Variants in MOB1B observed in about 807,000 individuals in gnomAD.
The protein encoded by MOB1B is MOB1 Mps One Binder homolog B.
In MOB1B, 19 loss-of-function variants were observed where a neutral mutation model predicts 24.4. The observed-to-expected ratio is 0.78, with a 90% CI of 0.54 to 1.14. MOB1B has a LOEUF of 1.14. Among genes scored for constraint, MOB1B ranks in the 50% most tolerant of loss-of-function variants. MOB1B has a pLI of 0.00. For synonymous variants in MOB1B, 76 were observed against 82.1 expected (o/e 0.93, Z 0.40); for missense variants, 243 against 259.6 (o/e 0.94, Z 0.44).
chr4:70,909,202 TATGTGTC>T (rs1735881532), intron 1 of MOB1B, among the ~76,000 whole-genome samples: 1 of 152,154 alleles, frequency 6.6e-6, no homozygotes, highest in South Asian at 2.1e-4. Context: ...GCTATGTTTA[TATGTGTC>T]TATCTCTGTC....
chr4:70,970,923 T>C (rs546192064), intron 3 of MOB1B, among the ~76,000 whole-genome samples: 94 of 152,356 alleles, frequency 6.2e-4, no homozygotes, highest in Non-Finnish European at 1.1e-3. Context: ...GAACCTTCAC[T>C]TCTTTCTAGC....
chr4:70,958,737 A>G (rs774196261), intron 1 of MOB1B, 137 bp from the exon 2 acceptor site: 17 of 919,178 alleles, frequency 1.8e-5, no homozygotes, highest in Non-Finnish European at 2.7e-5. Flanking sequence ...GGAGTTTTGG[A>G]TGGAGAGCAC....
At chr4:70,912,493 T>A (rs1042102211) in intron 1 of MOB1B, among the ~76,000 whole-genome samples, 2 of 152,030 alleles carry the variant, frequency 1.3e-5, no homozygotes, top group African/African-American at 4.8e-5. Flanking sequence ...TTGACCAGGC[T>A]GGTCTCAACT....
At chr4:70,980,771 G>A (rs1739179735) in intron 5 of MOB1B, among the ~76,000 whole-genome samples, 1 of 152,080 alleles carries the variant, frequency 6.6e-6, no homozygotes, top group Admixed American at 6.6e-5. Context: ...CTTTTTCTGG[G>A]CTCCATTCTT....
chr4:70,918,893 A>G (rs1456752442), intron 1 of MOB1B, among the ~76,000 whole-genome samples: 8 of 152,180 alleles, frequency 5.3e-5, no homozygotes, highest in Non-Finnish European at 1.0e-4. Flanking sequence ...TCACAATAGC[A>G]AAGACTTGGA....
intron 1 of MOB1B, among the ~76,000 whole-genome samples, chr4:70,936,252 C>T (rs888833637): frequency 6.6e-6 from 1 of 152,140 alleles, no homozygotes; most frequent in African/African-American, 2.4e-5. Context: ...CCTCAGCCTC[C>T]CAAAGTGCTG....
At chr4:70,939,890 G>A (rs1307250817) in intron 1 of MOB1B, among the ~76,000 whole-genome samples, 4 of 152,342 alleles carry the variant, frequency 2.6e-5, no homozygotes, top group South Asian at 2.1e-4. Flanking sequence ...GTTTTATTGA[G>A]CGGAAGTAGC....
At position 70,953,669 on chromosome 4, in the gene MOB1B, A is replaced by G. The variant is rs939587842; in HGVS notation, c.15-5205A>G. Among the ~76,000 whole-genome samples, 6 of 152,346 alleles carry G rather than the reference A, an allele frequency of 3.9e-5. 1 individual carries two copies. The highest frequency in any genetic ancestry group is 1.4e-4 in the African/African-American group (6 of 41,584). ...ATAAGAAGAAAATTGCAGGCTGGGC[A>G]TGATGGCTCATGCCTGTCATTCCCA... On this transcript the variant is annotated intron_variant, in intron 1 of 5. Transcript: ENST00000309395.
intron 5 of MOB1B, among the ~76,000 whole-genome samples, chr4:70,980,755 A>G (rs1289958099): frequency 1.3e-5 from 2 of 152,100 alleles, no homozygotes; most frequent in African/African-American, 2.4e-5. Context: ...CAGGGTCTCC[A>G]TGCATCTTTT....
chr4:70,953,926 A>G (rs573756959), intron 1 of MOB1B, among the ~76,000 whole-genome samples: 1 of 152,308 alleles, frequency 6.6e-6, no homozygotes, highest in South Asian at 2.1e-4. Flanking sequence ...CCTGGGTGAC[A>G]GAGCAAGACT....
chr4:70,987,374 T>C lies in MOB1B; in HGVS notation c.*5317T>C, dbSNP rs1010484587. 6.6e-6 allele frequency: 1 copy of C among 152,092 alleles called. No homozygotes were observed. The highest frequency in any genetic ancestry group is 2.4e-5 in the African/African-American group (1 of 41,456). The allele number at this position is 152,092 out of a possible 1,614,324, so 9.4% of individuals were successfully genotyped here. On this transcript the variant is annotated 3_prime_UTR_variant, in exon 6 of 6. Coordinates refer to ENST00000309395, the MANE Select transcript of MOB1B (RefSeq NM_173468.4). ...GTATAGGTGGGCGTTTCTTACCATT[T>C]TGCACAAGTTTTTGTTTTTCTGAAA...
chr4:70,926,007 T>C (rs925537489), intron 1 of MOB1B, among the ~76,000 whole-genome samples: 1 of 152,102 alleles, frequency 6.6e-6, no homozygotes, highest in Non-Finnish European at 1.5e-5. Context: ...TTTGTGTGAG[T>C]GACAGGATCT....
chr4:70,970,607 A>G lies in MOB1B; in HGVS notation c.275+583A>G, dbSNP rs1483470064. On this transcript the variant is annotated intron_variant, in intron 3 of 5. Transcript: ENST00000309395. Reference sequence around the variant, plus strand: ...TGGGTTGAATCAGTACATTTTGGAAACTGGCTTTTATTATTACTTCTACTA... The same window carrying G: ...TGGGTTGAATCAGTACATTTTGGAAGCTGGCTTTTATTATTACTTCTACTA... 2.0e-5 allele frequency among the ~76,000 whole-genome samples: 3 copies of G among 152,290 alleles called. No homozygotes were observed. The South Asian group carries it at 6.2e-4, about 32-fold the overall frequency.
At chr4:70,913,259 G>GGTATGTATGTATGTAT (rs58774039) in intron 1 of MOB1B, among the ~76,000 whole-genome samples, 1 of 149,918 alleles carries the variant, frequency 6.7e-6, no homozygotes, top group African/African-American at 2.5e-5. Context: ...CGTTTGTATG[G>GGTATGTATGTATGTAT]GTATGTATGT....
intron 1 of MOB1B, among the ~76,000 whole-genome samples, chr4:70,902,814 C>T (rs1238057494): frequency 2.0e-5 from 3 of 152,226 alleles, no homozygotes; most frequent in Non-Finnish European, 2.9e-5. Context: ...GGGCCAGCGC[C>T]TGGATTCCTT....
At chr4:70,947,446 T>C (rs1231455909) in intron 1 of MOB1B, among the ~76,000 whole-genome samples, 1 of 151,666 alleles carries the variant, frequency 6.6e-6, no homozygotes, top group South Asian at 2.1e-4. Context: ...CTAGGTTTTT[T>C]TCCCCCCCGC....
chr4:70,949,455 C>G (rs971520323), intron 1 of MOB1B, among the ~76,000 whole-genome samples: 3 of 152,070 alleles, frequency 2.0e-5, no homozygotes, highest in Admixed American at 2.0e-4. Context: ...ACATTTTTTG[C>G]AGATGCATGT....
At chr4:70,961,010 C>A (rs1738280795) in intron 2 of MOB1B, among the ~76,000 whole-genome samples, 1 of 152,122 alleles carries the variant, frequency 6.6e-6, no homozygotes, top group Admixed American at 6.5e-5. Context: ...TCCAAGATGA[C>A]CAGTGGATTC....
At chr4:70,940,916 G>A (rs904526471) in intron 1 of MOB1B, among the ~76,000 whole-genome samples, 3 of 151,538 alleles carry the variant, frequency 2.0e-5, no homozygotes, top group African/African-American at 7.3e-5. Flanking sequence ...CAGGTGATCC[G>A]CCCGCCTCGG....
Sources: gnomAD v4.1 joint callset for allele counts (sites outside exome capture counted in the v4.1 genomes callset) on GRCh38, gnomAD v4.1.1 for gene constraint, MANE v1.5 for transcripts, NCBI Gene and HGNC (gene_info 2026-07-23, HGNC 2026-07-21) for gene names.